Variants in FER1L6 observed in about 807,000 individuals in gnomAD.
FER1L6 encodes the protein fer-1 like family member 6, also known as fer-1-like protein 6.
In FER1L6, 177 loss-of-function variants were observed where a neutral mutation model predicts 219.2. That is an observed-to-expected ratio of 0.81 (90% CI 0.71 to 0.91). The LOEUF is 0.91. FER1L6 is among the 40% of genes least tolerant of loss of function. The pLI is 0.00. For missense variants in FER1L6, 2,153 were observed against 2,259.9 expected (o/e 0.95, Z 0.96); for synonymous variants, 768 against 824.3 (o/e 0.93, Z 1.17).
At chr8:123,960,862 A>G (rs1393231619) in intron 2 of FER1L6, among the ~76,000 whole-genome samples, 3 of 152,220 alleles carry the variant, frequency 2.0e-5, no homozygotes, top group Non-Finnish European at 4.4e-5. Flanking sequence ...TTCAGAGATT[A>G]GGACTGGCTA....
chr8:123,993,164 C>G (rs374745968), intron 12 of FER1L6, among the ~76,000 whole-genome samples: 1 of 152,104 alleles, frequency 6.6e-6, no homozygotes, highest in Non-Finnish European at 1.5e-5. Context: ...TATATCCGGC[C>G]GGGCGCGGTG....
intron 1 of FER1L6, among the ~76,000 whole-genome samples, chr8:123,920,194 A>AGGAGAAGATGGTTAGGT (rs1813318669): frequency 1.3e-5 from 2 of 152,170 alleles, no homozygotes; most frequent in Admixed American, 6.5e-5. Context: ...CCTGAGGCTC[A>AGGAGAAGATGGTTAGGT]CCCTAACTCC....
At chr8:124,105,170 A>G (rs1459970836) in intron 39 of FER1L6, among the ~76,000 whole-genome samples, 2 of 152,252 alleles carry the variant, frequency 1.3e-5, no homozygotes, top group Non-Finnish European at 2.9e-5. Flanking sequence ...AATGAAATGT[A>G]GTGAGCCACA....
intron 1 of FER1L6, among the ~76,000 whole-genome samples, chr8:123,921,222 C>T (rs2129835869): frequency 6.6e-6 from 1 of 152,282 alleles, no homozygotes; most frequent in Non-Finnish European, 1.5e-5. Context: ...ATTGCTGGGT[C>T]ACGTGGTAGT....
chr8:123,897,160 T>C (rs1812760934), intron 1 of FER1L6, among the ~76,000 whole-genome samples: 1 of 152,166 alleles, frequency 6.6e-6, no homozygotes, highest in Admixed American at 6.6e-5. Flanking sequence ...GCAGCCCAGG[T>C]GTCACTCAGT....
intron 1 of FER1L6, among the ~76,000 whole-genome samples, chr8:123,868,661 C>A (rs777483588): frequency 6.6e-6 from 1 of 152,082 alleles, no homozygotes; most frequent in Non-Finnish European, 1.5e-5. Context: ...CCTGTTGGTA[C>A]GTTTGTGCAA....
At chr8:123,933,838 T>C (rs373168074) in intron 1 of FER1L6, among the ~76,000 whole-genome samples, 75 of 152,312 alleles carry the variant, frequency 4.9e-4, no homozygotes, top group African/African-American at 1.6e-3. Context: ...AGTTTTATTT[T>C]AAAAATTTTC....
chr8:124,114,894 C>CATAT (rs1563808836), intron 39 of FER1L6, among the ~76,000 whole-genome samples: 49 of 30,964 alleles, frequency 1.6e-3, no homozygotes, highest in East Asian at 4.0e-3. Context: ...TGTGTGTGTG[C>CATAT]GTATATATAT....
intron 39 of FER1L6, among the ~76,000 whole-genome samples, chr8:124,114,547 G>A (rs941322277): frequency 6.6e-6 from 1 of 151,946 alleles, no homozygotes; most frequent in African/African-American, 2.4e-5. Context: ...TCCAGGTCTA[G>A]GGCAGATAAA....
intron 1 of FER1L6, among the ~76,000 whole-genome samples, chr8:123,927,510 A>G (rs1813609930): frequency 6.6e-6 from 1 of 152,212 alleles, no homozygotes; most frequent in Non-Finnish European, 1.5e-5. Flanking sequence ...TCCAAGGAGC[A>G]GCTCAGTTTT....
At chr8:124,001,761 T>G (rs546368692) in intron 12 of FER1L6, among the ~76,000 whole-genome samples, 1 of 152,336 alleles carries the variant, frequency 6.6e-6, no homozygotes, top group East Asian at 1.9e-4. Flanking sequence ...CTCCCTGTGT[T>G]TATTCCACGA....
In FER1L6 at chr8:124,103,252, A is replaced by G; in HGVS notation, c.5232A>G (p.Ile1744Met). 2.5e-6 allele frequency: 4 copies of G among 1,614,160 alleles called. No homozygotes were observed. Among genetic ancestry groups the G allele is most frequent in the Non-Finnish European group, 3.4e-6 (4 of 1,180,016 alleles). ...CAAGTGAGGAGACCAAGATCTCTAT[A>G]TTCCAGCAAAAACGTGTGCGTGGCT... ...ENASEETKIS[I>M]FQQKRVRGWW... Residue 1744 changes from isoleucine to methionine, a missense_variant, in exon 39 of 41, where the codon ATA (isoleucine) becomes ATG (methionine). Physicochemically the swap from Ile to Met is conservative, Grantham distance 10. Transcript: ENST00000522917.
At chr8:123,880,701 C>T (rs1020531946) in intron 1 of FER1L6, among the ~76,000 whole-genome samples, 2 of 152,176 alleles carry the variant, frequency 1.3e-5, no homozygotes, top group Non-Finnish European at 2.9e-5. Context: ...GGCAAAGCTG[C>T]CTTCTTGGGT....
chr8:124,094,295 G>A (rs1822179206), intron 34 of FER1L6, among the ~76,000 whole-genome samples: 1 of 152,086 alleles, frequency 6.6e-6, no homozygotes, highest in Non-Finnish European at 1.5e-5. Flanking sequence ...TTTATGATCT[G>A]TAGATCTTTA....
chr8:123,978,031 A>G (rs545694131), intron 10 of FER1L6, among the ~76,000 whole-genome samples: 30 of 152,180 alleles, frequency 2.0e-4, no homozygotes, highest in Middle Eastern at 3.4e-3. Context: ...AGCACCTTCC[A>G]GGTATTAGGC....
intron 18 of FER1L6, among the ~76,000 whole-genome samples, chr8:124,026,946 T>C (rs10113692): frequency 0.59 from 89,887 of 151,962 alleles, 27,117 homozygotes; most frequent in African/African-American, 0.67. Flanking sequence ...GGCAGGGCCA[T>C]GTTCCCTTGA....
At chr8:123,903,797 C>T (rs376997628) in intron 1 of FER1L6, among the ~76,000 whole-genome samples, 7 of 152,124 alleles carry the variant, frequency 4.6e-5, no homozygotes, top group South Asian at 2.1e-4. Context: ...CGCCCTAACC[C>T]GAGTACCCTG....
intron 1 of FER1L6, among the ~76,000 whole-genome samples, chr8:123,855,679 A>ATGTG (rs1491248393): frequency 2.8e-5 from 2 of 71,816 alleles, no homozygotes; most frequent in East Asian, 1.5e-3. Context: ...AGTGAAAACC[A>ATGTG]TATGTGTGTG....
At position 123,995,752 on chromosome 8, in the gene FER1L6, G is replaced by A. The variant is rs111246267; in HGVS notation, c.1520-7415G>A. 2.8e-3 allele frequency among the ~76,000 whole-genome samples: 432 copies of A among 152,000 alleles called. 5 individuals carry two copies. Among genetic ancestry groups the A allele is most frequent in the African/African-American group, 9.9e-3 (411 of 41,508 alleles). ...CTTTTTCAACTCTTTAAGATGCATC[G>A]TTAGGTTGTTTATTTGATGTTTTTC... On this transcript the variant is annotated intron_variant, in intron 12 of 40. Coordinates refer to ENST00000522917, the MANE Select transcript of FER1L6 (RefSeq NM_001039112.2).
Sources: allele counts gnomAD v4.1 joint callset (sites outside exome capture counted in the v4.1 genomes callset), GRCh38; gene constraint gnomAD v4.1.1; transcripts MANE v1.5; gene names NCBI Gene and HGNC (gene_info 2026-07-23, HGNC 2026-07-21).